The following HYDIN variants were observed in gnomAD, a reference collection of about 807,000 sequenced individuals.
HYDIN encodes the protein HYDIN axonemal central pair apparatus protein, also known as axonemal central pair apparatus protein HYDIN.
A neutral mutation model predicts 403.9 loss-of-function variants in HYDIN; 132 were observed. The observed-to-expected ratio is 0.33, with a 90% CI of 0.28 to 0.38. The LOEUF is 0.38. Among genes scored for constraint, HYDIN ranks in the 10% least tolerant of loss-of-function variants. HYDIN has a pLI of 1.00. For missense variants in HYDIN, 2,827 were observed against 5,009.5 expected, an observed-to-expected ratio of 0.56 and a Z score of 13.15; for synonymous variants, 1,202 against 1,891.7, an observed-to-expected ratio of 0.64 and a Z score of 9.46.
At chr16:71,066,965 G>C (rs767005009) in intron 15 of HYDIN, 1 of 684,104 alleles carries the variant, frequency 1.5e-6, no homozygotes, top group African/African-American at 1.8e-5. Flanking sequence ...AAAATGAGCA[G>C]CTCTTCACCT....
chr16:71,227,459 A>AGCAAAATCTCAGGAT (rs1250877678), intron 1 of HYDIN, among the ~76,000 whole-genome samples: 1 of 152,212 alleles, frequency 6.6e-6, no homozygotes, highest in Non-Finnish European at 1.5e-5. Context: ...AAGCAACTTC[A>AGCAAAATCTCAGGAT]GCAAAATCTC....
chr16:70,858,924 A>G (rs1277767258), intron 71 of HYDIN, among the ~76,000 whole-genome samples: 2 of 151,570 alleles, frequency 1.3e-5, no homozygotes, highest in African/African-American at 4.9e-5. Context: ...GAGTCTACAA[A>G]TATGTTTTGT....
intron 10 of HYDIN, among the ~76,000 whole-genome samples, chr16:71,094,921 T>C (rs1383234471): frequency 6.6e-6 from 1 of 151,646 alleles, no homozygotes; most frequent in Non-Finnish European, 1.5e-5. Context: ...CCCAAAATTA[T>C]GCTTTACCAG....
intron 1 of HYDIN, among the ~76,000 whole-genome samples, chr16:71,195,600 G>C (rs2087658218): frequency 6.6e-6 from 1 of 152,186 alleles, no homozygotes; most frequent in South Asian, 2.1e-4. Context: ...TGTCTCTAAA[G>C]CTGTTGTGTG....
At chr16:71,135,060 T>C (rs1416658626) in intron 8 of HYDIN, among the ~76,000 whole-genome samples, 1 of 152,156 alleles carries the variant, frequency 6.6e-6, no homozygotes, top group African/African-American at 2.4e-5. Context: ...GTGGTATTCT[T>C]ATTTATCTGA....
intron 29 of HYDIN, among the ~76,000 whole-genome samples, chr16:70,979,825 G>A (rs2078992754): frequency 6.6e-6 from 1 of 152,154 alleles, no homozygotes; most frequent in Admixed American, 6.5e-5. Context: ...TGGGGAGCCT[G>A]AGGCATGAGA....
chr16:71,104,032 T>C (rs1487118890), intron 10 of HYDIN, among the ~76,000 whole-genome samples: 2 of 152,132 alleles, frequency 1.3e-5, no homozygotes, highest in African/African-American at 4.8e-5. Flanking sequence ...CTCAATGTTA[T>C]TGTAAGTGAT....
intron 30 of HYDIN, among the ~76,000 whole-genome samples, chr16:70,978,122 C>T (rs1252393204): frequency 6.6e-6 from 1 of 151,986 alleles, no homozygotes; most frequent in Non-Finnish European, 1.5e-5. Flanking sequence ...GAACTCCTTT[C>T]CCTCCCCTCC....
intron 5 of HYDIN, among the ~76,000 whole-genome samples, chr16:71,165,634 A>G (rs6499488): frequency 4.3e-4 from 66 of 152,050 alleles, no homozygotes; most frequent in African/African-American, 1.4e-3. Flanking sequence ...AATACTTCCC[A>G]AAGGAAGGAA....
At chr16:70,891,320 C>A (rs1318687246) in intron 57 of HYDIN, among the ~76,000 whole-genome samples, 1 of 152,176 alleles carries the variant, frequency 6.6e-6, no homozygotes, top group South Asian at 2.1e-4. Flanking sequence ...TCCCGAGTAG[C>A]TGGGATTACA....
chr16:70,930,315 TACTAA>T (rs1451799533), intron 45 of HYDIN, among the ~76,000 whole-genome samples: 1 of 152,222 alleles, frequency 6.6e-6, no homozygotes, highest in Non-Finnish European at 1.5e-5. Context: ...ACCCCGTCTC[TACTAA>T]AAATACAAAA....
intron 75 of HYDIN, 79 bp from the exon 76 acceptor site, chr16:70,840,312 G>T: frequency 3.2e-6 from 4 of 1,264,690 alleles, no homozygotes; most frequent in Non-Finnish European, 4.4e-6. Flanking sequence ...GGTGAAGCAG[G>T]AAAGCAGTTG....
intron 16 of HYDIN, 130 bp from the exon 17 acceptor site, chr16:71,062,463 T>G: frequency 1.5e-6 from 1 of 689,600 alleles, no homozygotes; most frequent in East Asian, 2.8e-5. Context: ...AGCAAGTAAA[T>G]AGGGATGAGC....
At chr16:70,902,821 A>ATATATATTTTTTTTTTTTTTTT in intron 52 of HYDIN, among the ~76,000 whole-genome samples, 15 of 47,264 alleles carry the variant, frequency 3.2e-4, no homozygotes, top group South Asian at 7.5e-4. Flanking sequence ...ATATATATAT[A>ATATATATTTTTTTTTTTTTTTT]TTTTTTTTTT....
intron 52 of HYDIN, among the ~76,000 whole-genome samples, chr16:70,901,820 G>A (rs1448033262): frequency 6.6e-6 from 1 of 152,028 alleles, no homozygotes; most frequent in African/African-American, 2.4e-5. Flanking sequence ...TCCTGACCTC[G>A]TGATCTGCCC....
At chr16:71,175,530 C>A in intron 5 of HYDIN, 77 bp downstream of exon 5, 1 of 1,426,348 alleles carries the variant, frequency 7.0e-7, no homozygotes, top group Non-Finnish European at 9.7e-7. Flanking sequence ...ACCAGCACTA[C>A]CGCCTCTGTA....
intron 18 of HYDIN, among the ~76,000 whole-genome samples, chr16:71,043,417 G>T (rs2081349423): frequency 6.9e-6 from 1 of 144,226 alleles, no homozygotes; most frequent in African/African-American, 2.5e-5. Flanking sequence ...AGCACATATT[G>T]CGTCTTAGAA....
At chr16:71,176,304 T>C (rs1159536644) in intron 4 of HYDIN, among the ~76,000 whole-genome samples, 6 of 129,654 alleles carry the variant, frequency 4.6e-5, no homozygotes, top group Non-Finnish European at 9.7e-5. Flanking sequence ...AGACTCTGTC[T>C]CAAAAAAAAA....
intron 10 of HYDIN, among the ~76,000 whole-genome samples, chr16:71,110,509 A>C (rs902413462): frequency 4.2e-5 from 6 of 143,786 alleles, no homozygotes; most frequent in African/African-American, 1.5e-4. Flanking sequence ...ATATATATAT[A>C]TCAATATATC....
Sources: allele counts gnomAD v4.1 joint callset (sites outside exome capture counted in the v4.1 genomes callset), GRCh38; gene constraint gnomAD v4.1.1; transcripts MANE v1.5; gene names NCBI Gene and HGNC (gene_info 2026-07-23, HGNC 2026-07-21).